CIMIP2A: variants seen among roughly 807,000 people sequenced by gnomAD.
The protein encoded by CIMIP2A is ciliary microtubule inner protein 2A, also known as family with sequence similarity 166 member A.
the CIMIP2A span, chr9:137,244,487 G>A: frequency 2.0e-6 from 3 of 1,495,798 alleles, no homozygotes; most frequent in African/African-American, 2.8e-5. Context: ...GAGGGGTTGG[G>A]GCGGCACCTC....
chr9:137,247,730 G>A, the CIMIP2A span: 1 of 1,612,626 alleles, frequency 6.2e-7, no homozygotes, highest in Non-Finnish European at 8.5e-7. Flanking sequence ...CTTTCACTCT[G>A]GCCTTGCTGG....
chr9:137,252,868 C>G, the CIMIP2A span: 5 of 1,587,212 alleles, frequency 3.2e-6, no homozygotes, highest in Admixed American at 8.9e-5. Flanking sequence ...CTGGCCCCAA[C>G]ACCTACAATA....
At chr9:137,246,486 G>C in the CIMIP2A span, among the ~76,000 whole-genome samples, 2 of 152,228 alleles carry the variant, frequency 1.3e-5, no homozygotes, top group African/African-American at 4.8e-5. Context: ...CCAAAGGGCC[G>C]GGCGCGGTGG....
At chr9:137,244,013 G>T in the CIMIP2A span, among the ~76,000 whole-genome samples, 22 of 152,314 alleles carry the variant, frequency 1.4e-4, no homozygotes, top group African/African-American at 5.3e-4. Context: ...TTCCAAAAGG[G>T]GTAGGGAGGA....
At chr9:137,251,084 C>G in the CIMIP2A span, 1 of 584,208 alleles carries the variant, frequency 1.7e-6, no homozygotes. Context: ...CAGGAGTCAC[C>G]GGGGCAGGCT....
chr9:137,247,639 T>G, the CIMIP2A span: 2 of 1,610,796 alleles, frequency 1.2e-6, no homozygotes, highest in Non-Finnish European at 1.7e-6. Context: ...CCCAGCCACC[T>G]CCAGAGCTCC....
chr9:137,245,322 G>T, the CIMIP2A span: 3 of 1,590,460 alleles, frequency 1.9e-6, no homozygotes, highest in African/African-American at 4.0e-5. Context: ...GCTGCCTGGG[G>T]GCCTCGCAAA....
chr9:137,244,816 C>A, the CIMIP2A span: 1 of 1,576,904 alleles, frequency 6.3e-7, no homozygotes, highest in South Asian at 1.1e-5. Flanking sequence ...TCAGACGTGT[C>A]AGGGAAGCCA....
chr9:137,245,771 T>A, the CIMIP2A span: 2 of 1,556,268 alleles, frequency 1.3e-6, no homozygotes. Context: ...TTCTGCACAC[T>A]GGGGTCTGTG....
At chr9:137,244,643 T>TGG in the CIMIP2A span, 2 of 1,613,656 alleles carry the variant, frequency 1.2e-6, no homozygotes, top group Non-Finnish European at 1.7e-6. Context: ...CTTTCCTACC[T>TGG]GGCTCTTGTC....
At chr9:137,253,184 T>C in the CIMIP2A span, 1 of 1,606,626 alleles carries the variant, frequency 6.2e-7, no homozygotes, top group Non-Finnish European at 8.5e-7. Flanking sequence ...GCGCCTGGCG[T>C]GGTCATCCAG....
chr9:137,244,955 G>T, the CIMIP2A span: 1 of 1,602,988 alleles, frequency 6.2e-7, no homozygotes. Context: ...GGCAGAGGAG[G>T]TCCCCCCAGG....
chr9:137,251,148 C>T, the CIMIP2A span: 1 of 703,064 alleles, frequency 1.4e-6, no homozygotes, highest in South Asian at 1.5e-5. Flanking sequence ...GGGGAGGGGC[C>T]CACCAGGGGT....
the CIMIP2A span, chr9:137,251,261 T>C: frequency 2.7e-6 from 4 of 1,463,530 alleles, no homozygotes; most frequent in Middle Eastern, 1.7e-4. Context: ...CGTGGTGCCG[T>C]TGGGGAAGAG....
the CIMIP2A span, chr9:137,252,408 C>T: frequency 1.3e-6 from 2 of 1,599,354 alleles, no homozygotes; most frequent in Non-Finnish European, 1.7e-6. Flanking sequence ...GGGCTCCCAG[C>T]CTTCTCTCTC....
chr9:137,243,801 A>G, the CIMIP2A span: 1 of 1,613,744 alleles, frequency 6.2e-7, no homozygotes, highest in Non-Finnish European at 8.5e-7. Context: ...GCGGGGAGCC[A>G]GGCTGCAGCT....
At chr9:137,253,862 G>C in the CIMIP2A span, among the ~76,000 whole-genome samples, 280 of 152,324 alleles carry the variant, frequency 1.8e-3, 3 homozygotes, top group East Asian at 0.017. Flanking sequence ...CCAGGGCCCA[G>C]CCCCACTTCC....
At chr9:137,245,312 G>C in the CIMIP2A span, 7 of 1,584,800 alleles carry the variant, frequency 4.4e-6, no homozygotes, top group African/African-American at 9.4e-5. Flanking sequence ...GCTGCCTGGT[G>C]CTGCCTGGGG....
At chr9:137,253,997 G>T in the CIMIP2A span, among the ~76,000 whole-genome samples, 1 of 152,162 alleles carries the variant, frequency 6.6e-6, no homozygotes, top group Non-Finnish European at 1.5e-5. Flanking sequence ...GCCCCTGCCT[G>T]CAACTTCGCC....
Sources: gnomAD v4.1 joint callset for allele counts (sites outside exome capture counted in the v4.1 genomes callset) on GRCh38, gnomAD v4.1.1 for gene constraint, MANE v1.5 for transcripts, NCBI Gene and HGNC (gene_info 2026-07-23, HGNC 2026-07-21) for gene names.